SIPA1L3: variants seen among roughly 807,000 people sequenced by gnomAD.
SIPA1L3 encodes the protein signal-induced proliferation-associated 1-like protein 3.
A neutral mutation model predicts 150.1 loss-of-function variants in SIPA1L3; 59 were observed. The ratio of observed to expected loss-of-function variants is 0.39; its 90% confidence interval spans 0.32 to 0.49. The LOEUF is 0.49. Ranked by LOEUF, SIPA1L3 falls within the 20% of genes least tolerant of loss-of-function variation. The pLI is 0.86. For missense variants in SIPA1L3, 2,211 were observed against 2,489.5 expected (o/e 0.89, Z 2.38); for synonymous variants, 1,070 against 1,077.6 (o/e 0.99, Z 0.14).
intron 2 of SIPA1L3, among the ~76,000 whole-genome samples, chr19:38,076,001 C>T (rs1392070902): frequency 1.3e-5 from 2 of 151,688 alleles, no homozygotes; most frequent in Admixed American, 6.6e-5. Context: ...ATTAGCTGGC[C>T]GTGGTGGCGG....
chr19:38,178,989 C>T lies in SIPA1L3; in HGVS notation c.4209-3530C>T, dbSNP rs188300198. 4.0e-3 allele frequency among the ~76,000 whole-genome samples: 606 copies of T among 152,322 alleles called. 1 individual carries two copies. The highest frequency in any genetic ancestry group is 0.014 in the African/African-American group (577 of 41,574). ...TGCTGTTTCAATCCAGTCGGACAAT[C>T]CCTGCCTTTTGATGGGAGTGTTCAG... On this transcript the variant is annotated intron_variant, in intron 15 of 21. Coordinates refer to ENST00000222345, the MANE Select transcript of SIPA1L3 (RefSeq NM_015073.3).
chr19:37,985,853 C>T (rs1029220582), intron 1 of SIPA1L3, among the ~76,000 whole-genome samples: 1 of 152,224 alleles, frequency 6.6e-6, no homozygotes, highest in Non-Finnish European at 1.5e-5. Flanking sequence ...CCCAGGGATG[C>T]GGGGCCACAG....
At position 38,032,852 on chromosome 19, in the gene SIPA1L3, CAA is replaced by C. The variant is rs34941718; in HGVS notation, c.-311+3707_-311+3708del. ...TGGGCAACAGAGCGAGACTCGGTCT[CAA>C]AAAAAAAAAAGAAGTGAATATAGGA... On this transcript the variant is annotated intron_variant, in intron 2 of 21. Coordinates refer to ENST00000222345, the MANE Select transcript of SIPA1L3 (RefSeq NM_015073.3). Among the ~76,000 whole-genome samples, 152 of 146,012 alleles carry C rather than the reference CAA, an allele frequency of 1.0e-3. 1 individual carries two copies. The highest frequency in any genetic ancestry group is 1.9e-3 in the Non-Finnish European group (129 of 66,458).
intron 2 of SIPA1L3, among the ~76,000 whole-genome samples, chr19:38,033,257 C>T (rs1011541778): frequency 3.9e-5 from 6 of 152,208 alleles, no homozygotes; most frequent in Admixed American, 1.3e-4. Context: ...AATTATGCAA[C>T]GTCAGATAAT....
chr19:38,136,515 A>G (rs1021221730), intron 10 of SIPA1L3, among the ~76,000 whole-genome samples: 12 of 152,152 alleles, frequency 7.9e-5, no homozygotes, highest in African/African-American at 2.9e-4. Flanking sequence ...GAGGCAGGAG[A>G]ATCACTTGAA....
rs576477944 is a variant in SIPA1L3 at position 38,181,000 on chromosome 19, C to T, written c.4209-1519C>T. ...ATATTTTTTCTGCCCCTTCTCTCCT[C>T]TCCTTCCAAAGTTCCTGATGCACAT... On this transcript the variant is annotated intron_variant, in intron 15 of 21. Coordinates refer to ENST00000222345, the MANE Select transcript of SIPA1L3 (RefSeq NM_015073.3). Among the ~76,000 whole-genome samples, 18 of 152,296 alleles carry T rather than the reference C, an allele frequency of 1.2e-4. No homozygotes were observed. In the South Asian group the frequency reaches 3.5e-3, roughly 30 times the overall value.
chr19:38,192,416 T>C, intron 17 of SIPA1L3, 106 bp downstream of exon 17: 1 of 1,074,676 alleles, frequency 9.3e-7, no homozygotes, highest in Non-Finnish European at 1.3e-6. Flanking sequence ...CGCCAGCTCC[T>C]TCCCGTCGTG....
chr19:37,987,819 T>C (rs1279861756), intron 1 of SIPA1L3, among the ~76,000 whole-genome samples: 1 of 152,222 alleles, frequency 6.6e-6, no homozygotes, highest in Non-Finnish European at 1.5e-5. Flanking sequence ...CCGGCGCCTT[T>C]ACTGCTCAGT....
chr19:38,000,528 T>C (rs182885194), intron 1 of SIPA1L3, among the ~76,000 whole-genome samples: 2 of 147,700 alleles, frequency 1.4e-5, no homozygotes, highest in East Asian at 4.0e-4. Context: ...GTGGTTCAGA[T>C]GGAAGCAGAA....
intron 13 of SIPA1L3, 127 bp downstream of exon 13, chr19:38,153,094 C>A: frequency 2.4e-6 from 3 of 1,257,198 alleles, no homozygotes; most frequent in South Asian, 1.6e-5. Context: ...AAGCTGTAAG[C>A]GCCACATGTA....
In SIPA1L3 at chr19:38,138,910, A is replaced by AAACAAAAAACAAAAAC. The variant is rs1555791054; in HGVS notation, c.3144-2272_3144-2271insCAAAAAACAAAAACAA. ...GAGACTCTATCTCAAAAAAAAAAAA[A>AAACAAAAAACAAAAAC]AAAAACTGAGTGTGGTGGCTCACGC... On this transcript the variant is annotated intron_variant, in intron 10 of 21. Transcript: ENST00000222345. 0.012 allele frequency among the ~76,000 whole-genome samples: 1,373 copies of AAACAAAAAACAAAAAC among 112,860 alleles called. 136 individuals are homozygous for AAACAAAAAACAAAAAC. In the South Asian group the frequency reaches 0.13, roughly 11 times the overall value. The allele number at this position is 112,860 out of a possible 152,430, so 74.0% of individuals were successfully genotyped here. A position where few individuals can be genotyped will look rare whatever the true frequency, so the allele number is the denominator to read the frequency against.
At chr19:37,907,500 T>C (rs1160418505) in intron 1 of SIPA1L3, 142 bp downstream of exon 1, 1 of 152,250 alleles carries the variant, frequency 6.6e-6, no homozygotes, top group Admixed American at 6.5e-5. Context: ...ACTCGCGCCC[T>C]CCGGACCCAG....
At chr19:38,166,261 C>T (rs1289721521) in intron 15 of SIPA1L3, among the ~76,000 whole-genome samples, 1 of 151,634 alleles carries the variant, frequency 6.6e-6, no homozygotes, top group African/African-American at 2.4e-5. Flanking sequence ...CCAGACTGTC[C>T]TGGCCAACAT....
intron 2 of SIPA1L3, among the ~76,000 whole-genome samples, chr19:38,063,201 A>C (rs1599981544): frequency 2.7e-5 from 4 of 149,918 alleles, no homozygotes. Context: ...TTTCCCCTCC[A>C]CCCCCCTCCC....
intron 2 of SIPA1L3, among the ~76,000 whole-genome samples, chr19:38,030,991 C>T (rs1968643426): frequency 6.6e-6 from 1 of 152,116 alleles, no homozygotes; most frequent in Non-Finnish European, 1.5e-5. Flanking sequence ...TGGAGTTTCT[C>T]TCTCCTGGAT....
chr19:37,920,739 C>G (rs893555798), intron 1 of SIPA1L3, among the ~76,000 whole-genome samples: 1 of 152,180 alleles, frequency 6.6e-6, no homozygotes, highest in East Asian at 1.9e-4. Flanking sequence ...ATTATATGAG[C>G]CAATACTTGG....
At chr19:37,919,765 C>CA in intron 1 of SIPA1L3, among the ~76,000 whole-genome samples, 1 of 127,324 alleles carries the variant, frequency 7.9e-6, no homozygotes, top group East Asian at 2.6e-4. Flanking sequence ...GGCTGGAGTG[C>CA]AGTGGCGCGA....
At chr19:38,156,326 C>T (rs1356060536) in intron 13 of SIPA1L3, among the ~76,000 whole-genome samples, 5 of 151,546 alleles carry the variant, frequency 3.3e-5, no homozygotes, top group East Asian at 1.9e-4. Context: ...TTTCATTACA[C>T]ACCAAAGTAC....
At chr19:38,041,311 C>T (rs190974218) in intron 2 of SIPA1L3, among the ~76,000 whole-genome samples, 1 of 131,634 alleles carries the variant, frequency 7.6e-6, no homozygotes, top group African/African-American at 2.8e-5. Context: ...TGGAGTCTCA[C>T]TCTGTCACCT....
Sources: allele counts gnomAD v4.1 joint callset (sites outside exome capture counted in the v4.1 genomes callset), GRCh38; gene constraint gnomAD v4.1.1; transcripts MANE v1.5; gene names NCBI Gene and HGNC (gene_info 2026-07-23, HGNC 2026-07-21).